The following CDK14 variants were observed in gnomAD, a reference collection of about 807,000 sequenced individuals.
CDK14 encodes cyclin-dependent kinase 14.
CDK14 carries 34 observed loss-of-function variants against 60.7 expected under a neutral mutation model. The ratio of observed to expected loss-of-function variants is 0.56; its 90% confidence interval spans 0.43 to 0.75. The LOEUF is 0.75. CDK14 is among the 30% of genes least tolerant of loss of function. The pLI, the probability that CDK14 is intolerant of heterozygous loss-of-function variation, is 0.00. For synonymous variants in CDK14, 197 were observed against 203.7 expected (o/e 0.97, Z 0.28); for missense variants, 482 against 564.1 (o/e 0.85, Z 1.47).
chr7:90,603,553 A>G (rs1584734989), intron 1 of CDK14, among the ~76,000 whole-genome samples: 2 of 152,218 alleles, frequency 1.3e-5, no homozygotes, highest in South Asian at 4.1e-4. Context: ...TGCACAATGA[A>G]ATTGCCTAAG....
At chr7:90,944,109 A>G (rs1794021877) in intron 8 of CDK14, among the ~76,000 whole-genome samples, 1 of 152,154 alleles carries the variant, frequency 6.6e-6, no homozygotes, top group Admixed American at 6.5e-5. Flanking sequence ...CTTCTCTACA[A>G]CATGATGACA....
At chr7:91,194,968 T>TC (rs1284285205) in intron 14 of CDK14, among the ~76,000 whole-genome samples, 1 of 152,164 alleles carries the variant, frequency 6.6e-6, no homozygotes. Context: ...GTGTGCTGGC[T>TC]CCTCTCACTG....
At chr7:90,689,809 A>T (rs1801516794) in intron 2 of CDK14, among the ~76,000 whole-genome samples, 1 of 152,194 alleles carries the variant, frequency 6.6e-6, no homozygotes, top group Admixed American at 6.6e-5. Context: ...TACTTTGAAG[A>T]CATAAAACAC....
At chr7:90,980,449 CAATTT>C (rs1335645656) in intron 9 of CDK14, among the ~76,000 whole-genome samples, 4 of 151,920 alleles carry the variant, frequency 2.6e-5, no homozygotes, top group African/African-American at 7.3e-5. Context: ...TCAGTGCAGT[CAATTT>C]AATCCATTGA....
At chr7:90,808,799 A>G (rs984691713) in intron 5 of CDK14, among the ~76,000 whole-genome samples, 11 of 152,188 alleles carry the variant, frequency 7.2e-5, no homozygotes, top group African/African-American at 2.7e-4. Context: ...AAAACAAAAA[A>G]AGGCAGGGGT....
At chr7:90,775,585 T>C (rs1804990834) in intron 4 of CDK14, among the ~76,000 whole-genome samples, 3 of 147,242 alleles carry the variant, frequency 2.0e-5, no homozygotes, top group Non-Finnish European at 4.5e-5. Flanking sequence ...ACAAGTGTGC[T>C]TGAAAGTAGG....
chr7:91,205,445 G>A (rs1473885754), intron 14 of CDK14, among the ~76,000 whole-genome samples: 3 of 152,198 alleles, frequency 2.0e-5, no homozygotes, highest in Non-Finnish European at 4.4e-5. Flanking sequence ...AAAATGGGTA[G>A]CATATTATAT....
At chr7:91,119,535 G>T (rs1019451672) in intron 14 of CDK14, among the ~76,000 whole-genome samples, 2 of 152,262 alleles carry the variant, frequency 1.3e-5, no homozygotes, top group African/African-American at 4.8e-5. Context: ...AAGGATATAT[G>T]CAGCATTGCA....
At chr7:90,948,287 A>G (rs919413178) in intron 8 of CDK14, among the ~76,000 whole-genome samples, 11 of 152,226 alleles carry the variant, frequency 7.2e-5, no homozygotes, top group Non-Finnish European at 1.6e-4. Context: ...AGAAAATGAG[A>G]TGTAAACCAG....
intron 5 of CDK14, among the ~76,000 whole-genome samples, chr7:90,817,116 G>A (rs1361432037): frequency 2.0e-5 from 3 of 152,020 alleles, no homozygotes; most frequent in Non-Finnish European, 2.9e-5. Flanking sequence ...GGAATGTGGT[G>A]GAACTCTTCA....
chr7:90,989,555 T>C (rs1453389915), intron 10 of CDK14, among the ~76,000 whole-genome samples: 2 of 151,966 alleles, frequency 1.3e-5, no homozygotes, highest in African/African-American at 4.8e-5. Context: ...ACCATGAAAA[T>C]CAAGGCAGGT....
intron 6 of CDK14, among the ~76,000 whole-genome samples, chr7:90,876,282 AGT>A (rs1352867814): frequency 3.9e-5 from 6 of 152,210 alleles, no homozygotes; most frequent in Non-Finnish European, 8.8e-5. Flanking sequence ...CTGGAAACTG[AGT>A]GGGGATCAGA....
chr7:90,602,940 C>T (rs759013322), intron 1 of CDK14, among the ~76,000 whole-genome samples: 4 of 152,160 alleles, frequency 2.6e-5, no homozygotes, highest in South Asian at 2.1e-4. Flanking sequence ...AACCTTTTCA[C>T]GATTGTTAGA....
rs73398982 is a variant in CDK14 at position 91,064,581 on chromosome 7, G to T, written c.1106-14851G>T. Among the ~76,000 whole-genome samples the T allele has an allele frequency of 8.1e-3, 1,235 of 152,328 alleles. 19 individuals carry two copies. The highest frequency in any genetic ancestry group is 0.027 in the African/African-American group (1,138 of 41,580). On this transcript the variant is annotated intron_variant, in intron 11 of 14. Transcript: ENST00000380050. ...CGTGGGTATCCTAGCTCTTTGGTAA[G>T]AGTAGACTGGAGTAGAGTCCTGGTT...
chr7:90,873,618 A>T (rs1339602521), intron 6 of CDK14, among the ~76,000 whole-genome samples: 1 of 152,178 alleles, frequency 6.6e-6, no homozygotes, highest in East Asian at 1.9e-4. Context: ...TTTTGCTTTT[A>T]TGCAAGTTAT....
chr7:90,951,533 G>A lies in CDK14; in HGVS notation c.827-4164G>A, dbSNP rs117627284. 1.3e-4 allele frequency among the ~76,000 whole-genome samples: 20 copies of A among 152,242 alleles called. No homozygotes were observed. The East Asian group carries it at 3.7e-3, about 28-fold the overall frequency. On this transcript the variant is annotated intron_variant, in intron 8 of 14. Coordinates refer to ENST00000380050, the MANE Select transcript of CDK14 (RefSeq NM_001287135.2). The stretch of plus-strand genomic sequence containing the variant: ...ATTCTTTAGTCAAAGCAAAGGAATG[G>A]GAATGATCATTTCTGAACCTTATCC...
At chr7:91,075,410 A>G (rs111938854) in intron 11 of CDK14, among the ~76,000 whole-genome samples, 11,821 of 152,318 alleles carry the variant, frequency 0.078, 681 homozygotes, top group African/African-American at 0.16. Context: ...CTTCGATAAA[A>G]TTCAACATCG....
intron 2 of CDK14, among the ~76,000 whole-genome samples, chr7:90,679,939 C>T (rs1001049799): frequency 4.6e-5 from 7 of 152,044 alleles, no homozygotes; most frequent in African/African-American, 1.7e-4. Context: ...TTGTGGCTCT[C>T]GGAGACTATT....
intron 3 of CDK14, among the ~76,000 whole-genome samples, chr7:90,735,027 C>T (rs1803032390): frequency 6.6e-6 from 1 of 152,104 alleles, no homozygotes; most frequent in African/African-American, 2.4e-5. Flanking sequence ...GATGTTGATG[C>T]TGTTCCTTTC....
Sources: gnomAD v4.1 joint callset for allele counts (sites outside exome capture counted in the v4.1 genomes callset) on GRCh38, gnomAD v4.1.1 for gene constraint, MANE v1.5 for transcripts, NCBI Gene and HGNC (gene_info 2026-07-23, HGNC 2026-07-21) for gene names.